STK32B: variants seen among roughly 807,000 people sequenced by gnomAD.
The protein encoded by STK32B is serine/threonine kinase 32B.
A neutral mutation model predicts 52.6 loss-of-function variants in STK32B; 43 were observed. The ratio of observed to expected loss-of-function variants is 0.82; its 90% CI spans 0.64 to 1.05. The LOEUF (loss-of-function observed/expected upper bound fraction) is 1.05, where lower values mean the gene tolerates loss of function less well. STK32B is among the 50% of genes least tolerant of loss of function. The pLI, the probability that STK32B is intolerant of heterozygous loss-of-function variation, is 0.00. For synonymous variants in STK32B, 238 were observed against 204.3 expected (o/e 1.17, Z -1.41); for missense variants, 621 against 534.6 (o/e 1.16, Z -1.59).
chr4:5,448,871 T>C (rs1715714908), intron 7 of STK32B, among the ~76,000 whole-genome samples: 1 of 152,182 alleles, frequency 6.6e-6, no homozygotes, highest in South Asian at 2.1e-4. Flanking sequence ...TTATTCTCTG[T>C]TTTTCATACT....
At chr4:5,303,399 A>G (rs1189735404) in intron 3 of STK32B, among the ~76,000 whole-genome samples, 1 of 151,996 alleles carries the variant, frequency 6.6e-6, no homozygotes, top group African/African-American at 2.4e-5. Context: ...GTGGTATCGC[A>G]TTGTGGTTTT....
chr4:5,198,295 T>G (rs1481143468), intron 3 of STK32B, among the ~76,000 whole-genome samples: 1 of 152,228 alleles, frequency 6.6e-6, no homozygotes, highest in Non-Finnish European at 1.5e-5. Context: ...ATTTCAGAAT[T>G]TATACCACTT....
At chr4:5,126,305 C>G (rs1438394152) in intron 1 of STK32B, among the ~76,000 whole-genome samples, 2 of 152,212 alleles carry the variant, frequency 1.3e-5, no homozygotes, top group African/African-American at 4.8e-5. Flanking sequence ...TCTCTCCCTC[C>G]ATCCCTCCCT....
chr4:5,208,905 CTTCA>C (rs370874961), intron 3 of STK32B, among the ~76,000 whole-genome samples: 9 of 152,200 alleles, frequency 5.9e-5, no homozygotes, highest in African/African-American at 2.2e-4. Context: ...CTTCATAAAA[CTTCA>C]TTCTTTATAA....
chr4:5,153,292 C>G (rs1436945718), intron 2 of STK32B, among the ~76,000 whole-genome samples: 1 of 152,148 alleles, frequency 6.6e-6, no homozygotes, highest in Non-Finnish European at 1.5e-5. Flanking sequence ...CCTGCTTCTT[C>G]CAGTCATGGA....
intron 3 of STK32B, among the ~76,000 whole-genome samples, chr4:5,268,007 C>T (rs1192239174): frequency 6.6e-6 from 1 of 152,066 alleles, no homozygotes; most frequent in Non-Finnish European, 1.5e-5. Context: ...GGACAAGGTA[C>T]AAGAATAGTT....
At chr4:5,274,967 T>C (rs906406261) in intron 3 of STK32B, among the ~76,000 whole-genome samples, 4 of 152,168 alleles carry the variant, frequency 2.6e-5, no homozygotes, top group African/African-American at 9.7e-5. Context: ...TTCATCCTAA[T>C]TGAGCTGAAC....
chr4:5,185,752 A>C (rs1720691838), intron 3 of STK32B, among the ~76,000 whole-genome samples: 1 of 152,210 alleles, frequency 6.6e-6, no homozygotes, highest in South Asian at 2.1e-4. Flanking sequence ...AGGTCTTATC[A>C]AAGCGTAAGT....
intron 6 of STK32B, among the ~76,000 whole-genome samples, chr4:5,434,432 ATGTG>A (rs544048239): frequency 8.9e-5 from 13 of 145,762 alleles, no homozygotes; most frequent in African/African-American, 1.3e-4. Flanking sequence ...GTGTGCATGT[ATGTG>A]TGTGTGTGTG....
intron 6 of STK32B, among the ~76,000 whole-genome samples, chr4:5,426,710 A>AAAAAAAAAAGG (rs1713138322): frequency 6.7e-6 from 1 of 149,646 alleles, no homozygotes; most frequent in Non-Finnish European, 1.5e-5. Flanking sequence ...AAAAAAAAAA[A>AAAAAAAAAAGG]AAAAGGAAAA....
At chr4:5,417,749 A>G (rs1007365152) in intron 6 of STK32B, among the ~76,000 whole-genome samples, 1 of 152,208 alleles carries the variant, frequency 6.6e-6, no homozygotes, top group Non-Finnish European at 1.5e-5. Context: ...TGTGTAACAA[A>G]CTGTGTCAAA....
At chr4:5,327,812 G>A (rs1731977381) in intron 3 of STK32B, among the ~76,000 whole-genome samples, 1 of 152,174 alleles carries the variant, frequency 6.6e-6, no homozygotes, top group South Asian at 2.1e-4. Context: ...TTTGAAGCCA[G>A]GCATTGACTT....
chr4:5,243,516 A>G (rs926474887), intron 3 of STK32B, among the ~76,000 whole-genome samples: 21 of 152,166 alleles, frequency 1.4e-4, no homozygotes, highest in African/African-American at 4.6e-4. Flanking sequence ...CAATCATGTC[A>G]TCTGCAAACA....
chr4:5,127,762 C>T (rs1201284471), intron 1 of STK32B, among the ~76,000 whole-genome samples: 1 of 152,168 alleles, frequency 6.6e-6, no homozygotes, highest in African/African-American at 2.4e-5. Flanking sequence ...GCTGTGTTCC[C>T]ACCCAAATCG....
Position 5,121,765 on chromosome 4 carries a change from G to A in STK32B, c.53-18140G>A, listed in dbSNP as rs574753645. ...ATGAGGCTGGAGTGGGACCTGCCTGGCACCAAAGTCTGTATTCAGTCTTGC... is the reference window on the plus strand; with the variant it reads ...ATGAGGCTGGAGTGGGACCTGCCTGACACCAAAGTCTGTATTCAGTCTTGC... On this transcript the variant is annotated intron_variant, in intron 1 of 11. Transcript: ENST00000282908. 7.4e-5 allele frequency among the ~76,000 whole-genome samples: 11 copies of A among 147,654 alleles called. No individual in the cohort carries two copies. The East Asian group carries it at 2.2e-3, about 29-fold the overall frequency.
chr4:5,065,209 C>G (rs1742371038), intron 1 of STK32B, among the ~76,000 whole-genome samples: 1 of 152,128 alleles, frequency 6.6e-6, no homozygotes, highest in Admixed American at 6.6e-5. Context: ...AAATGTAATT[C>G]CAAGAACTGT....
Position 5,065,043 on chromosome 4 carries a change from A to G in STK32B, c.52+13128A>G, listed in dbSNP as rs545856539. ...CAAGGCTGGCTTCCTGTCACTTGCA[A>G]CGAAGCCTGGAGTTCAAGACTGAGC... On this transcript the variant is annotated intron_variant, in intron 1 of 11. Transcript: ENST00000282908. Among the ~76,000 whole-genome samples the G allele has an allele frequency of 1.1e-3, 174 of 151,732 alleles. 1 individual carries two copies. The highest frequency in any genetic ancestry group is 3.8e-3 in the Admixed American group (57 of 15,174).
At chr4:5,328,657 T>C (rs1011575915) in intron 3 of STK32B, among the ~76,000 whole-genome samples, 2 of 152,296 alleles carry the variant, frequency 1.3e-5, no homozygotes, top group Middle Eastern at 3.4e-3. Context: ...ATAGGAGATA[T>C]AATAATGTTT....
chr4:5,175,242 C>G (rs114648136), intron 3 of STK32B, among the ~76,000 whole-genome samples: 28,844 of 151,922 alleles, frequency 0.19, 3,474 homozygotes, highest in East Asian at 0.36. Flanking sequence ...TTTGCCGTTG[C>G]TTCAAACTTC....
Sources: gnomAD v4.1 joint callset for allele counts (sites outside exome capture counted in the v4.1 genomes callset) on GRCh38, gnomAD v4.1.1 for gene constraint, MANE v1.5 for transcripts, NCBI Gene and HGNC (gene_info 2026-07-23, HGNC 2026-07-21) for gene names.